RIN3: variants seen among roughly 807,000 people sequenced by gnomAD.
RIN3 encodes Ras and Rab interactor 3.
A neutral mutation model predicts 76.3 loss-of-function variants in RIN3; 54 were observed. That is an observed-to-expected ratio of 0.71 (90% CI 0.57 to 0.89). The LOEUF is 0.89. Ranked by LOEUF, RIN3 falls within the 40% of genes least tolerant of loss-of-function variation. RIN3 has a pLI of 0.00. For missense variants in RIN3, 1,256 were observed against 1,322.1 expected, an observed-to-expected ratio of 0.95 and a Z score of 0.78; for synonymous variants, 576 against 564.0, an observed-to-expected ratio of 1.02 and a Z score of -0.30.
rs571064789 is a variant in RIN3, at chr14:92,630,702, G to A, written c.441-10536G>A. 2.6e-5 allele frequency among the ~76,000 whole-genome samples: 4 copies of A among 152,276 alleles called. No individual in the cohort carries two copies. In the East Asian group the frequency reaches 7.7e-4, roughly 29 times the overall value. On this transcript the variant is annotated intron_variant, in intron 4 of 9. Coordinates refer to ENST00000216487, the MANE Select transcript of RIN3 (RefSeq NM_024832.5). The stretch of plus-strand genomic sequence containing the variant: ...CTGGGCCTACCCTCAAACTCCCAGG[G>A]TACCCTTAAGGAGGCCACAGGGCAC...
chr14:92,624,446 G>A (rs941079294), intron 4 of RIN3, among the ~76,000 whole-genome samples: 2 of 152,190 alleles, frequency 1.3e-5, no homozygotes, highest in Admixed American at 6.5e-5. Context: ...ATTGGGAGGG[G>A]CAATTCCTTT....
intron 3 of RIN3, among the ~76,000 whole-genome samples, chr14:92,582,236 T>C (rs1884571120): frequency 6.6e-6 from 1 of 152,198 alleles, no homozygotes; most frequent in African/African-American, 2.4e-5. Flanking sequence ...ATGGGTTCTT[T>C]CTTCCTCCCA....
At chr14:92,554,437 C>T (rs1595411004) in intron 1 of RIN3, among the ~76,000 whole-genome samples, 1 of 152,144 alleles carries the variant, frequency 6.6e-6, no homozygotes, top group South Asian at 2.1e-4. Flanking sequence ...TGTGTTGACT[C>T]ATCCTCATTC....
Position 92,552,597 on chromosome 14 carries a change from TGC to T in RIN3, c.45-3153_45-3152del, listed in dbSNP as rs1393117212. Among the ~76,000 whole-genome samples, 9 of 152,246 alleles carry T rather than the reference TGC, an allele frequency of 5.9e-5. No homozygotes were observed. In the East Asian group the frequency reaches 1.7e-3, roughly 30 times the overall value. ...TTCTCTCATTGTCCCTCCTTGCACT[TGC>T]TCCAGGAGCAGGAATTGCAGGCTTG... On this transcript the variant is annotated intron_variant, in intron 1 of 9. Coordinates refer to ENST00000216487, the MANE Select transcript of RIN3 (RefSeq NM_024832.5).
intron 8 of RIN3, among the ~76,000 whole-genome samples, chr14:92,683,888 C>T (rs1409326641): frequency 2.0e-5 from 3 of 152,126 alleles, no homozygotes; most frequent in Non-Finnish European, 4.4e-5. Context: ...AATTCTAAAG[C>T]ATATCAAAGT....
rs187766418 is a variant in RIN3, at chr14:92,541,439, G to T, written c.45-14312G>T. 2.9e-3 allele frequency among the ~76,000 whole-genome samples: 437 copies of T among 152,316 alleles called. 1 individual carries two copies. Among genetic ancestry groups the T allele is most frequent in the Non-Finnish European group, 4.6e-3 (313 of 68,034 alleles). On this transcript the variant is annotated intron_variant, in intron 1 of 9. Coordinates refer to ENST00000216487, the MANE Select transcript of RIN3 (RefSeq NM_024832.5). ...GGACTCCACATTTCAGAAGTGCAAA[G>T]AAAGAAGGATACTCATTATACTCGG...
At chr14:92,635,166 C>A (rs545974780) in intron 4 of RIN3, among the ~76,000 whole-genome samples, 5 of 152,196 alleles carry the variant, frequency 3.3e-5, no homozygotes, top group Non-Finnish European at 7.3e-5. Flanking sequence ...CCGTGCATGG[C>A]AGCACCAGTT....
At chr14:92,547,917 T>C (rs1897325619) in intron 1 of RIN3, among the ~76,000 whole-genome samples, 1 of 152,176 alleles carries the variant, frequency 6.6e-6, no homozygotes, top group Non-Finnish European at 1.5e-5. Context: ...TTGGCCAGGC[T>C]GGTCTCAAAC....
At chr14:92,555,715 C>T in intron 1 of RIN3, 36 bp from the exon 2 acceptor site, 1 of 1,605,706 alleles carries the variant, frequency 6.2e-7, no homozygotes, top group Non-Finnish European at 8.5e-7. Context: ...TCTGGGCTGG[C>T]TGCAGGATAG....
intron 3 of RIN3, among the ~76,000 whole-genome samples, chr14:92,590,960 T>G (rs1884958789): frequency 6.6e-6 from 1 of 152,192 alleles, no homozygotes; most frequent in African/African-American, 2.4e-5. Flanking sequence ...TTAAAAGGCA[T>G]TAAACACTGT....
chr14:92,675,478 C>T (rs1888427345), intron 7 of RIN3, among the ~76,000 whole-genome samples: 1 of 152,220 alleles, frequency 6.6e-6, no homozygotes, highest in Non-Finnish European at 1.5e-5. Context: ...ATGGGTTATT[C>T]TGCGGTCCAC....
chr14:92,557,009 G>A lies in RIN3; in HGVS notation c.249+1054G>A, dbSNP rs1897604165. 2.6e-5 allele frequency among the ~76,000 whole-genome samples: 4 copies of A among 152,010 alleles called. No individual in the cohort carries two copies. The South Asian group carries it at 8.3e-4, about 32-fold the overall frequency. On this transcript the variant is annotated intron_variant, in intron 2 of 9. Coordinates refer to ENST00000216487, the MANE Select transcript of RIN3 (RefSeq NM_024832.5). ...AAAACATCTCATCATTCAAAACAAA[G>A]CCCTACACTCCCTCCCCCTTCTCCC... is the stretch of plus-strand genomic sequence containing the variant.
chr14:92,581,181 C>T (rs1898423249), intron 3 of RIN3, among the ~76,000 whole-genome samples: 1 of 152,312 alleles, frequency 6.6e-6, no homozygotes, highest in Non-Finnish European at 1.5e-5. Context: ...TGGCCAGGGC[C>T]AGGCCTTCTT....
intron 2 of RIN3, among the ~76,000 whole-genome samples, chr14:92,574,056 G>A (rs10138080): frequency 2.5e-3 from 386 of 152,324 alleles, no homozygotes; most frequent in African/African-American, 8.8e-3. Context: ...ATGAAGCAGT[G>A]TCGTTTGGGG....
chr14:92,612,366 T>C (rs1405841044), intron 3 of RIN3, among the ~76,000 whole-genome samples: 1 of 152,172 alleles, frequency 6.6e-6, no homozygotes, highest in Non-Finnish European at 1.5e-5. Context: ...CTTGTACCAA[T>C]CTGCACTCAC....
At chr14:92,677,805 C>T (rs1888520669) in intron 8 of RIN3, among the ~76,000 whole-genome samples, 1 of 152,044 alleles carries the variant, frequency 6.6e-6, no homozygotes, top group Non-Finnish European at 1.5e-5. Context: ...CCTACCCATC[C>T]ATCCATGCAT....
At chr14:92,610,260 T>C (rs1885681843) in intron 3 of RIN3, among the ~76,000 whole-genome samples, 2 of 152,138 alleles carry the variant, frequency 1.3e-5, no homozygotes, top group Admixed American at 6.6e-5. Context: ...ATTTATAGTT[T>C]ACCATTATAA....
intron 6 of RIN3, among the ~76,000 whole-genome samples, chr14:92,657,721 C>G (rs962558277): frequency 1.3e-5 from 2 of 152,148 alleles, no homozygotes; most frequent in Non-Finnish European, 2.9e-5. Context: ...CCAGTGAGGT[C>G]GGGAGGTGGG....
At chr14:92,673,254 A>G (rs1888348328) in intron 7 of RIN3, among the ~76,000 whole-genome samples, 1 of 152,160 alleles carries the variant, frequency 6.6e-6, no homozygotes, top group Non-Finnish European at 1.5e-5. Flanking sequence ...GTGTGCATGC[A>G]CCACATTTTG....
Sources: allele counts gnomAD v4.1 joint callset (sites outside exome capture counted in the v4.1 genomes callset), GRCh38; gene constraint gnomAD v4.1.1; transcripts MANE v1.5; gene names NCBI Gene and HGNC (gene_info 2026-07-23, HGNC 2026-07-21).